Variants in ROBO2 observed in about 807,000 individuals in gnomAD.
ROBO2 encodes roundabout homolog 2.
Under a neutral mutation model 160.8 loss-of-function variants are expected in ROBO2, and 53 were observed. The ratio of observed to expected loss-of-function variants is 0.33; its 90% confidence interval spans 0.26 to 0.41. The LOEUF (loss-of-function observed/expected upper bound fraction) is 0.41, where lower values mean the gene tolerates loss of function less well. Ranked by LOEUF, ROBO2 falls within the 10% of genes least tolerant of loss-of-function variation. The probability of loss-of-function intolerance (pLI) is 1.00; values close to 1 mark genes in which losing one functional copy is unlikely to be tolerated. For synonymous variants in ROBO2, 664 were observed against 611.7 expected (o/e 1.09, Z -1.26); for missense variants, 1,577 against 1,722.4 (o/e 0.92, Z 1.49).
At chr3:77,303,641 T>C (rs963548831) in intron 2 of ROBO2, among the ~76,000 whole-genome samples, 3 of 152,110 alleles carry the variant, frequency 2.0e-5, no homozygotes, top group African/African-American at 7.2e-5. Context: ...ACTTTGACCA[T>C]ATTTTGTACA....
chr3:76,919,233 T>A (rs1479102672), intron 2 of ROBO2, among the ~76,000 whole-genome samples: 1 of 152,148 alleles, frequency 6.6e-6, no homozygotes, highest in Non-Finnish European at 1.5e-5. Context: ...GTGATGTCAG[T>A]CACTCCTGGC....
intron 2 of ROBO2, among the ~76,000 whole-genome samples, chr3:77,006,616 A>G (rs1056819527): frequency 2.0e-5 from 3 of 152,126 alleles, no homozygotes; most frequent in African/African-American, 4.8e-5. Context: ...CTAGGAATAT[A>G]CTTTGTAAAT....
intron 24 of ROBO2, among the ~76,000 whole-genome samples, chr3:77,640,097 A>ATTTTTTTTTTTTTTTTTTTTTTTT (rs71104695): frequency 1.5e-5 from 1 of 65,440 alleles, no homozygotes; most frequent in Non-Finnish European, 2.6e-5. Context: ...CAGAGGAAGC[A>ATTTTTTTTTTTTTTTTTTTTTTTT]TTTTTTTTTT....
intron 2 of ROBO2, among the ~76,000 whole-genome samples, chr3:77,220,635 C>T (rs1006856172): frequency 6.6e-6 from 1 of 151,970 alleles, no homozygotes; most frequent in Non-Finnish European, 1.5e-5. Context: ...TGGACATTTT[C>T]CTAATCTTCT....
In ROBO2 at chr3:77,114,269, A is replaced by T. The variant is rs548609759; in HGVS notation, c.388+15929A>T. Among the ~76,000 whole-genome samples the T allele has an allele frequency of 7.6e-4, 115 of 152,266 alleles. No individual in the cohort carries two copies. In the South Asian group the frequency reaches 0.013, roughly 18 times the overall value. ...TAGTGTGTGATTATTATTCCAGCTT[A>T]GTTCATTGGAAAAAAGATATTTCTA... On this transcript the variant is annotated intron_variant, in intron 2 of 25. Transcript: ENST00000461745.
At chr3:76,425,268 G>A (rs1377872869) in intron 2 of ROBO2, among the ~76,000 whole-genome samples, 1 of 151,456 alleles carries the variant, frequency 6.6e-6, no homozygotes, top group East Asian at 1.9e-4. Flanking sequence ...CAAATTAGAT[G>A]TTCTACTTAA....
chr3:77,091,777 G>A (rs1332016103), intron 1 of ROBO2, among the ~76,000 whole-genome samples: 1 of 151,882 alleles, frequency 6.6e-6, no homozygotes, highest in Non-Finnish European at 1.5e-5. Context: ...CCAGGGGTTC[G>A]AGACCATCCT....
intron 2 of ROBO2, among the ~76,000 whole-genome samples, chr3:77,313,351 T>G (rs1440167007): frequency 6.6e-6 from 1 of 152,204 alleles, no homozygotes; most frequent in Non-Finnish European, 1.5e-5. Context: ...ATTTCAAACA[T>G]TAATCATTTC....
At chr3:76,140,536 C>T (rs1258257289) in intron 2 of ROBO2, among the ~76,000 whole-genome samples, 1 of 151,882 alleles carries the variant, frequency 6.6e-6, no homozygotes, top group Non-Finnish European at 1.5e-5. Flanking sequence ...GTAAGGTCAA[C>T]AGTGAAATCC....
chr3:76,461,752 A>T (rs1226295414), intron 2 of ROBO2, among the ~76,000 whole-genome samples: 1 of 152,170 alleles, frequency 6.6e-6, no homozygotes, highest in Non-Finnish European at 1.5e-5. Flanking sequence ...GTAAATGAAA[A>T]TTTTTAAAGT....
intron 2 of ROBO2, among the ~76,000 whole-genome samples, chr3:77,188,479 G>C (rs2081489949): frequency 6.6e-6 from 1 of 151,808 alleles, no homozygotes; most frequent in Non-Finnish European, 1.5e-5. Context: ...GGGTTTCTGA[G>C]CATGGGACTG....
chr3:76,026,417 C>T (rs183119375), intron 2 of ROBO2, among the ~76,000 whole-genome samples: 3 of 152,030 alleles, frequency 2.0e-5, no homozygotes, highest in Admixed American at 2.0e-4. Flanking sequence ...ACTATTAATG[C>T]TTTTTCTCTA....
At chr3:77,643,055 C>T (rs919080940) in intron 24 of ROBO2, 112 bp downstream of exon 26, 4 of 392,484 alleles carry the variant, frequency 1.0e-5, no homozygotes, top group Non-Finnish European at 1.0e-5. Context: ...TGCCTTCAAT[C>T]GTAATGGAAT....
intron 2 of ROBO2, among the ~76,000 whole-genome samples, chr3:76,088,378 C>T (rs1379803054): frequency 5.3e-5 from 8 of 151,986 alleles, no homozygotes; most frequent in African/African-American, 1.9e-4. Context: ...TGGATGTAAT[C>T]GACGTATAGA....
rs564665946 is a variant in ROBO2 at position 76,453,512 on chromosome 3, C to T, written c.109+515910C>T. Among the ~76,000 whole-genome samples the T allele has an allele frequency of 3.9e-5, 6 of 152,200 alleles. No homozygotes were observed. The South Asian group carries it at 1.2e-3, about 32-fold the overall frequency. ...AGATATGCGGCATTATTTCTGAGGG[C>T]TCTGTTCTGTTCCATTGGTCTATAT... On this transcript the variant is annotated intron_variant, in intron 2 of 26. Coordinates refer to the ROBO2 transcript ENST00000487694.
chr3:76,924,927 G>A (rs1326967174), intron 2 of ROBO2, among the ~76,000 whole-genome samples: 6 of 152,100 alleles, frequency 3.9e-5, no homozygotes, highest in East Asian at 1.9e-4. Flanking sequence ...TCTGGTTTGC[G>A]GCCGGGCGCG....
rs1169531210 is a variant in ROBO2, at chr3:76,444,968, G to C, written c.109+507366G>C. Among the ~76,000 whole-genome samples the C allele has an allele frequency of 3.9e-5, 6 of 151,946 alleles. No individual in the cohort carries two copies. The East Asian group carries it at 5.8e-4, about 15-fold the overall frequency. On this transcript the variant is annotated intron_variant, in intron 2 of 26. Transcript: ENST00000487694. The stretch of plus-strand genomic sequence containing the variant: ...ACTCCATTGTTAGATAGGCTTTTTT[G>C]TTTTTTCCCTGAGGTTTTTTGGAAA...
chr3:76,607,612 G>A (rs531497573), intron 2 of ROBO2, among the ~76,000 whole-genome samples: 1 of 152,200 alleles, frequency 6.6e-6, no homozygotes, highest in South Asian at 2.1e-4. Context: ...AATTCCCTCT[G>A]ATTCACACTT....
chr3:76,350,906 GA>G (rs2074832744), intron 2 of ROBO2, among the ~76,000 whole-genome samples: 1 of 151,776 alleles, frequency 6.6e-6, no homozygotes, highest in Non-Finnish European at 1.5e-5. Context: ...CTCATAAAAG[GA>G]TCCTGGAAAA....
Sources: gnomAD v4.1 joint callset for allele counts (sites outside exome capture counted in the v4.1 genomes callset) on GRCh38, gnomAD v4.1.1 for gene constraint, MANE v1.5 for transcripts, NCBI Gene and HGNC (gene_info 2026-07-23, HGNC 2026-07-21) for gene names.